Variants in NKAIN3 observed in about 807,000 individuals in gnomAD.
NKAIN3 encodes the protein sodium/potassium-transporting ATPase subunit beta-1-interacting protein 3.
NKAIN3 carries 25 observed loss-of-function variants against 30.2 expected under a neutral mutation model. That is an observed-to-expected ratio of 0.83 (90% CI 0.60 to 1.16). NKAIN3 has a LOEUF of 1.16. Ranked by LOEUF, NKAIN3 falls within the 50% of genes most tolerant of loss-of-function variation. NKAIN3 has a pLI of 0.00. For synonymous variants in NKAIN3, 91 were observed against 89.6 expected (o/e 1.02, Z -0.09); for missense variants, 225 against 254.1 (o/e 0.89, Z 0.78).
chr8:62,732,542 G>T (rs1394005489), intron 3 of NKAIN3, among the ~76,000 whole-genome samples: 1 of 121,290 alleles, frequency 8.2e-6, no homozygotes, highest in Non-Finnish European at 2.0e-5. Context: ...TAGGGGCCCA[G>T]GGTTCTAGCT....
At chr8:62,321,727 C>T (rs1005831056) in intron 1 of NKAIN3, among the ~76,000 whole-genome samples, 1 of 152,158 alleles carries the variant, frequency 6.6e-6, no homozygotes, top group Non-Finnish European at 1.5e-5. Flanking sequence ...TGTGAGGTGT[C>T]AGTCTGCCCC....
intron 5 of NKAIN3, among the ~76,000 whole-genome samples, chr8:62,948,518 GA>G (rs1468988237): frequency 6.6e-6 from 1 of 152,064 alleles, no homozygotes; most frequent in Non-Finnish European, 1.5e-5. Flanking sequence ...AAAATAAAAA[GA>G]AATTTGAAGA....
At chr8:62,875,367 G>T (rs1820764243) in intron 4 of NKAIN3, among the ~76,000 whole-genome samples, 1 of 152,156 alleles carries the variant, frequency 6.6e-6, no homozygotes. Flanking sequence ...TTATGGATAG[G>T]AGGAATCAAT....
rs149115654 is a variant in NKAIN3, at chr8:62,937,489, A to C, written c.533-16413A>C. Among the ~76,000 whole-genome samples, 477 of 152,202 alleles carry C rather than the reference A, an allele frequency of 3.1e-3. 6 individuals carry two copies. Among genetic ancestry groups the C allele is most frequent in the African/African-American group, 0.011 (461 of 41,482 alleles). ...ATTTAGAGAGCTGAGTGAAATATAA[A>C]AGTAGAAGCAGCAGCTGGAAGAGCC... is the stretch of plus-strand genomic sequence containing the variant. On this transcript the variant is annotated intron_variant, in intron 5 of 6. Coordinates refer to ENST00000623646, the MANE Select transcript of NKAIN3 (RefSeq NM_001304533.3).
At chr8:62,648,620 T>G (rs1201590425) in intron 3 of NKAIN3, among the ~76,000 whole-genome samples, 1 of 152,204 alleles carries the variant, frequency 6.6e-6, no homozygotes, top group East Asian at 1.9e-4. Flanking sequence ...TGAGACACTT[T>G]CAGGAAAACC....
intron 1 of NKAIN3, among the ~76,000 whole-genome samples, chr8:62,386,419 C>CA (rs1214939003): frequency 6.6e-6 from 1 of 152,064 alleles, no homozygotes; most frequent in Non-Finnish European, 1.5e-5. Context: ...CAGTGTTAGG[C>CA]AAAAAACACT....
chr8:62,811,671 C>T (rs551680026), intron 4 of NKAIN3, among the ~76,000 whole-genome samples: 1 of 151,902 alleles, frequency 6.6e-6, no homozygotes, highest in Non-Finnish European at 1.5e-5. Context: ...GGTGTATCCT[C>T]TTTGGTAAAA....
At chr8:62,587,674 T>C (rs989086081) in intron 2 of NKAIN3, among the ~76,000 whole-genome samples, 14 of 151,990 alleles carry the variant, frequency 9.2e-5, no homozygotes, top group African/African-American at 3.4e-4. Context: ...TGATTATCCC[T>C]CTACCTCGGT....
chr8:62,818,145 G>C (rs182049134), intron 4 of NKAIN3, among the ~76,000 whole-genome samples: 1 of 152,076 alleles, frequency 6.6e-6, no homozygotes, highest in African/African-American at 2.4e-5. Flanking sequence ...AAAAGCTGGA[G>C]AAAACTGCAT....
chr8:62,377,064 T>G lies in NKAIN3; in HGVS notation c.54+127937T>G, dbSNP rs183203261. On this transcript the variant is annotated intron_variant, in intron 1 of 6. Transcript: ENST00000623646. The stretch of plus-strand genomic sequence containing the variant: ...GTGAAAAACTTTAGTACATAAACAT[T>G]AAGTTTTGATGAGAAGGTTAATGTA... Among the ~76,000 whole-genome samples, 22 of 152,304 alleles carry G rather than the reference T, an allele frequency of 1.4e-4. No homozygotes were observed. The East Asian group carries it at 3.9e-3, about 27-fold the overall frequency.
chr8:62,728,078 T>C (rs1815316105), intron 3 of NKAIN3, among the ~76,000 whole-genome samples: 1 of 152,162 alleles, frequency 6.6e-6, no homozygotes, highest in African/African-American at 2.4e-5. Context: ...TTTCACCAAA[T>C]GATACTATAA....
chr8:62,465,436 G>T (rs1328545293), intron 1 of NKAIN3, among the ~76,000 whole-genome samples: 11 of 152,082 alleles, frequency 7.2e-5, no homozygotes, highest in Non-Finnish European at 1.6e-4. Flanking sequence ...AATTATATCT[G>T]CAACAAAAAA....
chr8:62,326,071 G>A (rs1245509311), intron 1 of NKAIN3, among the ~76,000 whole-genome samples: 1 of 151,492 alleles, frequency 6.6e-6, no homozygotes, highest in South Asian at 2.1e-4. Context: ...TATTAATTTT[G>A]CTATATTTAT....
At chr8:62,821,763 G>T (rs1375020246) in intron 4 of NKAIN3, among the ~76,000 whole-genome samples, 1 of 151,956 alleles carries the variant, frequency 6.6e-6, no homozygotes, top group South Asian at 2.1e-4. Context: ...TTCTCTTTTG[G>T]AGGACACGAC....
At chr8:62,419,824 T>C (rs1052969880) in intron 1 of NKAIN3, among the ~76,000 whole-genome samples, 3 of 152,174 alleles carry the variant, frequency 2.0e-5, no homozygotes, top group Non-Finnish European at 4.4e-5. Flanking sequence ...AAGATTAAAA[T>C]GTTTTGCATC....
At chr8:62,779,943 T>C (rs1306566595) in intron 4 of NKAIN3, among the ~76,000 whole-genome samples, 2 of 150,720 alleles carry the variant, frequency 1.3e-5, no homozygotes, top group Non-Finnish European at 3.0e-5. Flanking sequence ...AGAAAAGAAA[T>C]AATAAAGATC....
chr8:62,611,016 T>C (rs1391563460), intron 3 of NKAIN3, among the ~76,000 whole-genome samples: 1 of 152,126 alleles, frequency 6.6e-6, no homozygotes, highest in Non-Finnish European at 1.5e-5. Context: ...CATCTGAAAT[T>C]TCAGTGGGGG....
Position 62,886,831 on chromosome 8 carries a change from G to A in NKAIN3, c.472-31622G>A, listed in dbSNP as rs118059923. On this transcript the variant is annotated intron_variant, in intron 4 of 6. Coordinates refer to ENST00000623646, the MANE Select transcript of NKAIN3 (RefSeq NM_001304533.3). ...CTCTCCCTCCTTGGCCTCCACCCCC[G>A]ACAGACCCCAGTGTGTGATGTTCTC... Among the ~76,000 whole-genome samples, 141 of 152,118 alleles carry A rather than the reference G, an allele frequency of 9.3e-4. 1 individual carries two copies. The East Asian group carries it at 0.021, about 22-fold the overall frequency.
chr8:62,676,696 T>C (rs577261257), intron 3 of NKAIN3, among the ~76,000 whole-genome samples: 79 of 151,958 alleles, frequency 5.2e-4, no homozygotes, highest in South Asian at 1.9e-3. Context: ...AACTGTGGTG[T>C]AGTATATTAA....
Sources: allele counts gnomAD v4.1 joint callset (sites outside exome capture counted in the v4.1 genomes callset), GRCh38; gene constraint gnomAD v4.1.1; transcripts MANE v1.5; gene names NCBI Gene and HGNC (gene_info 2026-07-23, HGNC 2026-07-21).